SORCS3: variants seen among roughly 807,000 people sequenced by gnomAD.
SORCS3 encodes the protein VPS10 domain-containing receptor SorCS3.
Under a neutral mutation model 146.3 loss-of-function variants are expected in SORCS3, and 57 were observed. That is an observed-to-expected ratio of 0.39 (90% CI 0.31 to 0.49). The LOEUF is 0.49. SORCS3 is among the 20% of genes least tolerant of loss of function. The probability of loss-of-function intolerance (pLI) is 0.92; values close to 1 mark genes in which losing one functional copy is unlikely to be tolerated. For synonymous variants in SORCS3, 653 were observed against 618.5 expected (o/e 1.06, Z -0.83); for missense variants, 1,341 against 1,575.5 (o/e 0.85, Z 2.52).
intron 1 of SORCS3, among the ~76,000 whole-genome samples, chr10:104,737,103 A>G (rs1352667881): frequency 3.3e-5 from 5 of 152,204 alleles, no homozygotes; most frequent in Non-Finnish European, 5.9e-5. Flanking sequence ...TACAAAGGAC[A>G]TGAACTCATC....
intron 20 of SORCS3, among the ~76,000 whole-genome samples, chr10:105,244,093 A>G (rs1220961395): frequency 6.6e-6 from 1 of 152,088 alleles, no homozygotes; most frequent in African/African-American, 2.4e-5. Context: ...ACATCTCTTT[A>G]TCAGCTGCCT....
chr10:104,867,042 A>T (rs567586957), intron 2 of SORCS3, among the ~76,000 whole-genome samples: 2 of 152,140 alleles, frequency 1.3e-5, no homozygotes, highest in Admixed American at 6.5e-5. Context: ...GGAACTAGGG[A>T]TTCCTGGGGT....
intron 4 of SORCS3, among the ~76,000 whole-genome samples, chr10:104,991,066 T>C (rs1329319581): frequency 1.3e-5 from 2 of 152,184 alleles, no homozygotes; most frequent in Non-Finnish European, 2.9e-5. Context: ...CACCAGCTTC[T>C]TGAAAGCCCA....
At chr10:105,151,839 G>T (rs2056169800) in intron 9 of SORCS3, among the ~76,000 whole-genome samples, 1 of 151,990 alleles carries the variant, frequency 6.6e-6, no homozygotes, top group Admixed American at 6.6e-5. Flanking sequence ...GTACAATGTT[G>T]TCATGACTAT....
intron 1 of SORCS3, among the ~76,000 whole-genome samples, chr10:104,730,709 A>C (rs1007605102): frequency 5.3e-5 from 8 of 152,252 alleles, no homozygotes; most frequent in African/African-American, 1.9e-4. Flanking sequence ...GGGAGGCCTC[A>C]GGAAACTTAT....
At chr10:105,041,710 C>T (rs1469630207) in intron 4 of SORCS3, among the ~76,000 whole-genome samples, 2 of 152,008 alleles carry the variant, frequency 1.3e-5, no homozygotes, top group Non-Finnish European at 2.9e-5. Flanking sequence ...GTAACATTAT[C>T]GACTTAGAAC....
chr10:104,907,864 T>C (rs2018924699), intron 2 of SORCS3, among the ~76,000 whole-genome samples: 1 of 152,244 alleles, frequency 6.6e-6, no homozygotes, highest in African/African-American at 2.4e-5. Flanking sequence ...TACTTTTGGC[T>C]TGAGGTCTGA....
chr10:105,191,419 G>C (rs1459829602), intron 14 of SORCS3, among the ~76,000 whole-genome samples: 1 of 152,142 alleles, frequency 6.6e-6, no homozygotes, highest in African/African-American at 2.4e-5. Flanking sequence ...AACCTGTACA[G>C]TTTTGTGGTT....
At chr10:104,812,614 C>T (rs903414855) in intron 1 of SORCS3, among the ~76,000 whole-genome samples, 16 of 152,144 alleles carry the variant, frequency 1.1e-4, no homozygotes, top group South Asian at 4.1e-4. Context: ...GGGATGGGGG[C>T]GACTTTAACC....
chr10:105,100,796 T>C (rs186494760), intron 6 of SORCS3, among the ~76,000 whole-genome samples: 2 of 152,334 alleles, frequency 1.3e-5, no homozygotes, highest in Admixed American at 1.3e-4. Context: ...CCTTTCCCTT[T>C]CTCTTCATAA....
chr10:105,001,521 T>G (rs2055060927), intron 4 of SORCS3, among the ~76,000 whole-genome samples: 1 of 152,228 alleles, frequency 6.6e-6, no homozygotes, highest in Admixed American at 6.5e-5. Flanking sequence ...TGTTTTTTGA[T>G]GGTGATGTTG....
At chr10:105,181,729 G>T (rs541386283) in intron 14 of SORCS3, among the ~76,000 whole-genome samples, 11 of 152,296 alleles carry the variant, frequency 7.2e-5, no homozygotes, top group Non-Finnish European at 1.2e-4. Context: ...AAAATGAAAT[G>T]TGACTGTTCT....
intron 2 of SORCS3, among the ~76,000 whole-genome samples, chr10:104,900,682 A>G (rs984375237): frequency 6.6e-6 from 1 of 152,004 alleles, no homozygotes; most frequent in African/African-American, 2.4e-5. Context: ...TGAGGTCAGG[A>G]GTTCAAGACC....
At chr10:105,009,003 G>T (rs923716995) in intron 4 of SORCS3, among the ~76,000 whole-genome samples, 14 of 152,196 alleles carry the variant, frequency 9.2e-5, no homozygotes, top group African/African-American at 3.4e-4. Context: ...AGCCTAAGGA[G>T]AACTATGAAT....
At chr10:105,238,899 C>T (rs1373427448) in intron 20 of SORCS3, among the ~76,000 whole-genome samples, 1 of 152,152 alleles carries the variant, frequency 6.6e-6, no homozygotes, top group African/African-American at 2.4e-5. Flanking sequence ...CCACCTATTA[C>T]CACCAGTCAT....
chr10:104,769,459 A>G (rs890831137), intron 1 of SORCS3, among the ~76,000 whole-genome samples: 3 of 152,322 alleles, frequency 2.0e-5, no homozygotes, highest in South Asian at 2.1e-4. Context: ...GAGGCTGGCC[A>G]TGGTCCTTGC....
intron 7 of SORCS3, among the ~76,000 whole-genome samples, chr10:105,123,456 C>T (rs1319749869): frequency 2.0e-5 from 3 of 152,188 alleles, no homozygotes; most frequent in Non-Finnish European, 2.9e-5. Flanking sequence ...GTTGCTGAAT[C>T]TTTCCTTCCT....
intron 1 of SORCS3, among the ~76,000 whole-genome samples, chr10:104,677,960 A>G (rs2015930530): frequency 6.6e-6 from 1 of 152,194 alleles, no homozygotes; most frequent in South Asian, 2.1e-4. Flanking sequence ...GTTTTAAAGT[A>G]TGAAGGATGA....
rs2055671671 is a variant in SORCS3, at chr10:105,087,546, T to G, written c.1029-2229T>G. Among the ~76,000 whole-genome samples the G allele has an allele frequency of 2.6e-5, 4 of 151,692 alleles. No homozygotes were observed. The South Asian group carries it at 8.4e-4, about 32-fold the overall frequency. On this transcript the variant is annotated intron_variant, in intron 5 of 26. Coordinates refer to ENST00000369701, the MANE Select transcript of SORCS3 (RefSeq NM_014978.3). ...CTTCAGAACAAATAAAGTATCCATA[T>G]AGTCCCTTGTGGTACCCTCAGTCCT...
Sources: allele counts gnomAD v4.1 joint callset (sites outside exome capture counted in the v4.1 genomes callset), GRCh38; gene constraint gnomAD v4.1.1; transcripts MANE v1.5; gene names NCBI Gene and HGNC (gene_info 2026-07-23, HGNC 2026-07-21).